ORC5: variants seen among roughly 807,000 people sequenced by gnomAD.
ORC5 encodes the protein protein phosphatase 1, regulatory subunit 117.
A neutral mutation model predicts 58.8 loss-of-function variants in ORC5; 39 were observed. The ratio of observed to expected loss-of-function variants is 0.66; its 90% confidence interval spans 0.51 to 0.87. ORC5 has a LOEUF of 0.87. Ranked by LOEUF, ORC5 falls within the 40% of genes least tolerant of loss-of-function variation. The pLI, the probability that ORC5 is intolerant of heterozygous loss-of-function variation, is 0.00. For synonymous variants in ORC5, 218 were observed against 177.6 expected (o/e 1.23, Z -1.81); for missense variants, 493 against 506.3 (o/e 0.97, Z 0.25).
chr7:104,141,029 A>T (rs1169893569), intron 12 of ORC5, among the ~76,000 whole-genome samples: 1 of 152,186 alleles, frequency 6.6e-6, no homozygotes, highest in Non-Finnish European at 1.5e-5. Context: ...TCACCTGACT[A>T]GGAATTAAAT....
chr7:104,155,271 T>C (rs1429264957), intron 12 of ORC5, among the ~76,000 whole-genome samples: 2 of 151,718 alleles, frequency 1.3e-5, no homozygotes, highest in Non-Finnish European at 3.0e-5. Flanking sequence ...TATATTAAAC[T>C]ATGCTACAAA....
intron 13 of ORC5, among the ~76,000 whole-genome samples, chr7:104,131,727 C>CTGT (rs1004442244): frequency 6.6e-6 from 1 of 152,022 alleles, no homozygotes; most frequent in Non-Finnish European, 1.5e-5. Context: ...TGGCACACGC[C>CTGT]TGTAATCCCA....
At chr7:104,207,721 A>C (rs1800127916) in intron 1 of ORC5, 112 bp downstream of exon 1, 1 of 932,194 alleles carries the variant, frequency 1.1e-6, no homozygotes, top group Admixed American at 2.0e-5. Context: ...ATTTAACGTA[A>C]AAACGGCCTT....
At position 104,166,815 on chromosome 7, in the gene ORC5, G is replaced by C. The variant is rs1018750874; in HGVS notation, c.947C>G (p.Ala316Gly). ...GTCAGTTCTTGCTGGATTGTATGAAGCAAGGTATGCAGCAATTAGAATGAA... is the reference window on the plus strand; with the variant it reads ...GTCAGTTCTTGCTGGATTGTATGAACCAAGGTATGCAGCAATTAGAATGAA... ...SKFILIAAYLASYNPARTDKR... is the reference protein window; with the variant it reads ...SKFILIAAYLGSYNPARTDKR... The change falls in exon 10 of 14, where the codon GCT becomes GGT. Residue 316 changes from alanine to glycine, a missense_variant. Transcript: ENST00000297431. The C allele has an allele frequency of 6.2e-7, 1 of 1,611,850 alleles. No individual in the cohort carries two copies. The highest frequency in any genetic ancestry group is 8.5e-7 in the Non-Finnish European group (1 of 1,178,250).
At chr7:104,185,044 C>G (rs80335113) in intron 6 of ORC5, among the ~76,000 whole-genome samples, 6,664 of 139,736 alleles carry the variant, frequency 0.048, 495 homozygotes, top group African/African-American at 0.16. Flanking sequence ...TTCTGCCCCC[C>G]ACCTTTTGAG....
At chr7:104,163,836 AACATATTAACTTC>A (rs1175952495) in intron 11 of ORC5, among the ~76,000 whole-genome samples, 2 of 152,316 alleles carry the variant, frequency 1.3e-5, no homozygotes, top group South Asian at 2.1e-4. Flanking sequence ...TCCTAATATT[AACATATTAACTTC>A]ACATATTAAC....
At chr7:104,127,460 G>C (rs1212201324) in intron 13 of ORC5, among the ~76,000 whole-genome samples, 2 of 152,120 alleles carry the variant, frequency 1.3e-5, no homozygotes, top group African/African-American at 4.8e-5. Flanking sequence ...TTTGTACTCT[G>C]ATGGCAGGCA....
chr7:104,150,940 G>A (rs1584487003), intron 12 of ORC5, among the ~76,000 whole-genome samples: 1 of 152,182 alleles, frequency 6.6e-6, no homozygotes, highest in Non-Finnish European at 1.5e-5. Context: ...CTAAAAGGGA[G>A]GGAGGCAAAG....
chr7:104,177,187 T>C (rs1162606265), intron 8 of ORC5, among the ~76,000 whole-genome samples: 1 of 152,182 alleles, frequency 6.6e-6, no homozygotes, highest in African/African-American at 2.4e-5. Context: ...ATAAATAAAT[T>C]AGATGAATGT....
chr7:104,151,422 A>G (rs553390177), intron 12 of ORC5, among the ~76,000 whole-genome samples: 8 of 152,194 alleles, frequency 5.3e-5, no homozygotes, highest in Non-Finnish European at 1.0e-4. Flanking sequence ...TAGGAAAAAT[A>G]GACTAGACTT....
At chr7:104,159,261 G>C (rs1251001641) in intron 12 of ORC5, among the ~76,000 whole-genome samples, 1 of 143,010 alleles carries the variant, frequency 7.0e-6, no homozygotes, top group Non-Finnish European at 1.5e-5. Context: ...CTCACTCATA[G>C]GTGGGAATTG....
intron 12 of ORC5, among the ~76,000 whole-genome samples, chr7:104,146,089 A>G (rs908379311): frequency 3.9e-5 from 6 of 152,212 alleles, no homozygotes; most frequent in African/African-American, 1.2e-4. Context: ...CAGTGGAAAG[A>G]GGAGATTTGT....
chr7:104,196,147 C>T lies in ORC5; in HGVS notation c.442-893G>A, dbSNP rs187092514. On this transcript the variant is annotated intron_variant, in intron 4 of 13. Coordinates refer to ENST00000297431, the MANE Select transcript of ORC5 (RefSeq NM_002553.4). ...AGTTTCTGTAATTGAAACTAAAAAACGGTGAAAAGTCCTAATTGTTGTGAA... is the reference window on the plus strand; with the variant it reads ...AGTTTCTGTAATTGAAACTAAAAAATGGTGAAAAGTCCTAATTGTTGTGAA... Among the ~76,000 whole-genome samples, 127 of 152,128 alleles carry T rather than the reference C, an allele frequency of 8.3e-4. 1 individual carries two copies. Among genetic ancestry groups the T allele is most frequent in the African/African-American group, 2.9e-3 (122 of 41,494 alleles).
chr7:104,181,905 T>C (rs1047448107), intron 8 of ORC5, among the ~76,000 whole-genome samples: 3 of 152,084 alleles, frequency 2.0e-5, no homozygotes, highest in African/African-American at 7.2e-5. Flanking sequence ...AACTAAAATC[T>C]TAAATCGGCC....
intron 5 of ORC5, among the ~76,000 whole-genome samples, chr7:104,194,369 G>A (rs903014518): frequency 2.6e-5 from 4 of 151,994 alleles, no homozygotes; most frequent in African/African-American, 9.7e-5. Context: ...GTCATGGAAT[G>A]CTATTTTTTT....
intron 4 of ORC5, among the ~76,000 whole-genome samples, chr7:104,195,602 G>A (rs916391844): frequency 1.3e-5 from 2 of 152,116 alleles, no homozygotes; most frequent in Non-Finnish European, 2.9e-5. Context: ...TGTTGCCCAG[G>A]CTGGTCTTGA....
chr7:104,187,998 A>C, intron 6 of ORC5: 4 of 1,078,442 alleles, frequency 3.7e-6, no homozygotes, highest in Non-Finnish European at 4.5e-6. Context: ...AGGAAGAGTA[A>C]GAAGATCTGA....
At chr7:104,137,844 C>G (rs1474614060) in intron 12 of ORC5, among the ~76,000 whole-genome samples, 1 of 152,186 alleles carries the variant, frequency 6.6e-6, no homozygotes, top group Non-Finnish European at 1.5e-5. Context: ...ATTTTCCAAG[C>G]CCACATTTGA....
intron 6 of ORC5, 173 bp downstream of exon 6, chr7:104,188,078 G>GGTA (rs945873176): frequency 2.1e-6 from 2 of 955,800 alleles, no homozygotes; most frequent in African/African-American, 3.3e-5. Flanking sequence ...ACCTTCTTAT[G>GGTA]GTATGTTAGT....
Sources: allele counts gnomAD v4.1 joint callset (sites outside exome capture counted in the v4.1 genomes callset), GRCh38; gene constraint gnomAD v4.1.1; transcripts MANE v1.5; gene names NCBI Gene and HGNC (gene_info 2026-07-23, HGNC 2026-07-21).